OPCML: variants seen among roughly 807,000 people sequenced by gnomAD.
OPCML encodes the protein opioid-binding protein/cell adhesion molecule.
OPCML carries 13 observed loss-of-function variants against 37.8 expected under a neutral mutation model. That is an observed-to-expected ratio of 0.34 (90% confidence interval 0.22 to 0.55). The LOEUF (loss-of-function observed/expected upper bound fraction) is 0.55. OPCML is among the 20% of genes least tolerant of loss of function. The pLI, the probability that OPCML is intolerant of heterozygous loss-of-function variation, is 0.91. For missense variants in OPCML, 341 were observed against 435.6 expected (o/e 0.78, Z 1.93); for synonymous variants, 176 against 168.8 (o/e 1.04, Z -0.33).
At chr11:133,242,890 G>T (rs984023115) in intron 1 of OPCML, among the ~76,000 whole-genome samples, 4 of 152,028 alleles carry the variant, frequency 2.6e-5, no homozygotes, top group African/African-American at 9.7e-5. Flanking sequence ...TTATTTTTTG[G>T]CAGATCAAAA....
chr11:132,942,845 G>A, intron 2 of OPCML, 81 bp downstream of exon 2: 1 of 1,567,166 alleles, frequency 6.4e-7, no homozygotes, highest in Non-Finnish European at 8.7e-7. Flanking sequence ...GTCCCCCATG[G>A]AGCCTTCTGC....
chr11:133,489,672 C>T (rs4937779), intron 1 of OPCML, among the ~76,000 whole-genome samples: 61,286 of 151,874 alleles, frequency 0.4, 16,265 homozygotes, highest in African/African-American at 0.76. Context: ...AATCCATCAA[C>T]CCCACTACTG....
intron 2 of OPCML, among the ~76,000 whole-genome samples, chr11:132,818,209 T>C (rs945822046): frequency 2.6e-5 from 4 of 152,226 alleles, no homozygotes; most frequent in Non-Finnish European, 4.4e-5. Flanking sequence ...ATTCATTTCC[T>C]AGATTTCAAT....
chr11:133,348,936 G>A (rs1347565943), intron 1 of OPCML, among the ~76,000 whole-genome samples: 1 of 152,184 alleles, frequency 6.6e-6, no homozygotes, highest in Non-Finnish European at 1.5e-5. Context: ...TGAGACACAG[G>A]GGAGCAGAAG....
intron 3 of OPCML, among the ~76,000 whole-genome samples, chr11:132,637,970 G>C (rs949020490): frequency 6.6e-6 from 1 of 152,036 alleles, no homozygotes; most frequent in Non-Finnish European, 1.5e-5. Flanking sequence ...AGCCACTTCT[G>C]TCCTACCCAC....
At chr11:133,326,309 A>G (rs79773383) in intron 1 of OPCML, among the ~76,000 whole-genome samples, 38 of 22,072 alleles carry the variant, frequency 1.7e-3, no homozygotes, top group African/African-American at 2.9e-3. Context: ...GGGTGTGGGT[A>G]TGTATAAGTG....
intron 1 of OPCML, among the ~76,000 whole-genome samples, chr11:133,520,814 A>C (rs1278955128): frequency 6.6e-6 from 1 of 152,136 alleles, no homozygotes; most frequent in African/African-American, 2.4e-5. Flanking sequence ...CAGGTCTCTC[A>C]TCACAACCCA....
intron 1 of OPCML, among the ~76,000 whole-genome samples, chr11:133,168,146 C>T (rs956782055): frequency 2.0e-5 from 3 of 152,186 alleles, no homozygotes; most frequent in African/African-American, 4.8e-5. Flanking sequence ...TGTAGGTGAC[C>T]ATTAAGTCTG....
chr11:132,950,890 C>T (rs1945843095), intron 1 of OPCML, among the ~76,000 whole-genome samples: 1 of 152,158 alleles, frequency 6.6e-6, no homozygotes, highest in Non-Finnish European at 1.5e-5. Flanking sequence ...ATGAAGTTAT[C>T]ACTGTTTTTA....
At chr11:132,775,863 C>T (rs960739045) in intron 2 of OPCML, among the ~76,000 whole-genome samples, 30 of 152,196 alleles carry the variant, frequency 2.0e-4, no homozygotes, top group Admixed American at 1.3e-4. Flanking sequence ...AATGCTGCCC[C>T]TTAGATATAT....
At chr11:133,385,840 A>T (rs1945035153) in intron 1 of OPCML, among the ~76,000 whole-genome samples, 1 of 152,178 alleles carries the variant, frequency 6.6e-6, no homozygotes, top group Admixed American at 6.5e-5. Flanking sequence ...TCTAGAGAGG[A>T]TGGAGAAGAA....
chr11:132,992,613 C>A (rs1946802974), intron 1 of OPCML, among the ~76,000 whole-genome samples: 1 of 151,956 alleles, frequency 6.6e-6, no homozygotes, highest in Admixed American at 6.6e-5. Flanking sequence ...AGGCAATGAG[C>A]AAACTAAATG....
intron 1 of OPCML, among the ~76,000 whole-genome samples, chr11:133,502,410 C>T (rs1947936720): frequency 6.6e-6 from 1 of 152,194 alleles, no homozygotes; most frequent in Non-Finnish European, 1.5e-5. Flanking sequence ...CGTCCTCGTC[C>T]AAACCGGCTG....
At chr11:133,207,328 A>C (rs1201409750) in intron 1 of OPCML, among the ~76,000 whole-genome samples, 1 of 151,996 alleles carries the variant, frequency 6.6e-6, no homozygotes, top group Non-Finnish European at 1.5e-5. Context: ...AACAAAAAAG[A>C]GAACATCTCC....
chr11:133,019,486 C>T (rs987200036), intron 1 of OPCML, among the ~76,000 whole-genome samples: 3 of 152,178 alleles, frequency 2.0e-5, no homozygotes, highest in Non-Finnish European at 4.4e-5. Context: ...AGTGCAGCTG[C>T]CAGGCAGAAA....
rs995550995 is a variant in OPCML at position 133,259,358 on chromosome 11, C to T, written c.61+272906G>A. On this transcript the variant is annotated intron_variant, in intron 1 of 7. Coordinates refer to ENST00000524381, the MANE Select transcript of OPCML (RefSeq NM_001012393.5). ...TAGTTTCTAGAAGTAAAGACTAAAG[C>T]AAAGAAAGGTTTAGTATTTGCTGAA... 2.6e-5 allele frequency among the ~76,000 whole-genome samples: 4 copies of T among 152,098 alleles called. No individual in the cohort carries two copies. The East Asian group carries it at 5.8e-4, about 22-fold the overall frequency.
chr11:133,031,715 G>A (rs1408839989), intron 1 of OPCML, among the ~76,000 whole-genome samples: 1 of 152,138 alleles, frequency 6.6e-6, no homozygotes, highest in East Asian at 1.9e-4. Context: ...AGTTGCTGAG[G>A]GATACAGAGA....
chr11:133,511,953 T>C (rs962603935), intron 1 of OPCML, among the ~76,000 whole-genome samples: 3 of 152,198 alleles, frequency 2.0e-5, no homozygotes, highest in African/African-American at 7.2e-5. Context: ...TCTGAAAAGA[T>C]AGGGACAAAA....
At chr11:132,718,382 T>C (rs193016428) in intron 2 of OPCML, among the ~76,000 whole-genome samples, 32 of 152,272 alleles carry the variant, frequency 2.1e-4, no homozygotes, top group African/African-American at 7.5e-4. Context: ...AATGATAAAA[T>C]AAACCACATT....
Sources: allele counts gnomAD v4.1 joint callset (sites outside exome capture counted in the v4.1 genomes callset), GRCh38; gene constraint gnomAD v4.1.1; transcripts MANE v1.5; gene names NCBI Gene and HGNC (gene_info 2026-07-23, HGNC 2026-07-21).